The following SIAH1 variants were observed in gnomAD, a reference collection of about 807,000 sequenced individuals.
SIAH1 encodes E3 ubiquitin-protein ligase SIAH1.
In SIAH1, 2 loss-of-function variants were observed where a neutral mutation model predicts 20.0. The ratio of observed to expected loss-of-function variants is 0.10; its 90% CI spans 0.04 to 0.31. SIAH1 has a LOEUF of 0.31. Ranked by LOEUF, SIAH1 falls within the 10% of genes least tolerant of loss-of-function variation. The probability of loss-of-function intolerance (pLI) is 1.00; values close to 1 mark genes in which losing one functional copy is unlikely to be tolerated. For synonymous variants in SIAH1, 118 were observed against 125.3 expected (o/e 0.94, Z 0.39); for missense variants, 119 against 355.3 (o/e 0.33, Z 5.35).
rs1169041546 is a variant in SIAH1 at position 48,361,203 on chromosome 16, A to G, written c.*377T>C. On this transcript the variant is annotated 3_prime_UTR_variant, in exon 2 of 2. Coordinates refer to ENST00000394725, the MANE Select transcript of SIAH1 (RefSeq NM_003031.4). ...CTCAAGATGGCTTGTCAGTTAAAGG[A>G]AAAAAACCCAAACACGCACACACCC... 2 of 204,560 alleles carry G rather than the reference A, an allele frequency of 9.8e-6. No homozygotes were observed. The highest frequency in any genetic ancestry group is 5.3e-5 in the Admixed American group (1 of 18,780). 12.7% of individuals were successfully genotyped at this position (204,560 alleles called of 1,614,324 possible). A position where few individuals can be genotyped will look rare whatever the true frequency, so the allele number is the denominator to read the frequency against.
intron 1 of SIAH1, among the ~76,000 whole-genome samples, chr16:48,370,456 G>A (rs1960954524): frequency 6.6e-6 from 1 of 152,002 alleles, no homozygotes; most frequent in South Asian, 2.1e-4. Flanking sequence ...TAGACTCAAT[G>A]GTTTACATAT....
rs1960805829 is a variant in SIAH1, at chr16:48,365,605, T to G, written c.-2-3175A>C. The G allele has an allele frequency of 2.7e-6, 4 of 1,458,338 alleles. No individual in the cohort carries two copies. The Admixed American group carries it at 1.0e-4, about 37-fold the overall frequency. The allele number at this position is 1,458,338 out of a possible 1,614,324, so 90.3% of individuals were successfully genotyped here. ...AGGTCAGGATCCAAATACCATTTAC[T>G]TCTCAGAAGCACCAGTTACAGAGGT... On this transcript the variant is annotated intron_variant, in intron 1 of 1. Transcript: ENST00000394725.
At chr16:48,370,275 C>A (rs919134304) in intron 1 of SIAH1, among the ~76,000 whole-genome samples, 9 of 152,070 alleles carry the variant, frequency 5.9e-5, no homozygotes, top group Non-Finnish European at 1.3e-4. Flanking sequence ...AACTCCTTAA[C>A]CCCTCTATAT....
chr16:48,365,947 G>A lies in SIAH1; in HGVS notation c.-2-3517C>T, dbSNP rs1209390886. The A allele has an allele frequency of 5.9e-6, 7 of 1,190,978 alleles. No homozygotes were observed. In the East Asian group the frequency reaches 1.7e-4, roughly 29 times the overall value. 73.8% of individuals were successfully genotyped at this position (1,190,978 alleles called of 1,614,324 possible). A position where few individuals can be genotyped will look rare whatever the true frequency, so the allele number is the denominator to read the frequency against. The stretch of plus-strand genomic sequence containing the variant: ...TCGGCCGGGGCTGGGCCTGCGTTGG[G>A]AACGCCTACTCCAACCCGGGGCGCC... On this transcript the variant is annotated intron_variant, in intron 1 of 1. Transcript: ENST00000394725.
intron 1 of SIAH1, among the ~76,000 whole-genome samples, chr16:48,374,643 C>G (rs1426301697): frequency 1.3e-5 from 2 of 152,088 alleles, no homozygotes; most frequent in Non-Finnish European, 2.9e-5. Flanking sequence ...TGAAGGCATC[C>G]AAACAACCTG....
At position 48,362,671 on chromosome 16, in the gene SIAH1, C is replaced by A. The variant is rs1960641846; in HGVS notation, c.-2-241G>T. 6.3e-6 allele frequency: 3 copies of A among 474,890 alleles called. No homozygotes were observed. Among genetic ancestry groups the A allele is most frequent in the African/African-American group, 5.9e-5 (3 of 50,692 alleles). The allele number at this position is 474,890 out of a possible 1,614,324, so 29.4% of individuals were successfully genotyped here. A position where few individuals can be genotyped will look rare whatever the true frequency, so the allele number is the denominator to read the frequency against. ...AAAATGTTCCGGAAAACATGTGGAA[C>A]TCCCTTAATCGTCTTTGGATAGACT... is the stretch of plus-strand genomic sequence containing the variant. On this transcript the variant is annotated intron_variant, in intron 1 of 1. Coordinates refer to ENST00000394725, the MANE Select transcript of SIAH1 (RefSeq NM_003031.4). The surrounding 1 kb of genome is among the most constrained non-coding windows in gnomAD (Gnocchi z 4.2).
chr16:48,368,330 T>C (rs78837466), intron 1 of SIAH1, among the ~76,000 whole-genome samples: 202 of 152,306 alleles, frequency 1.3e-3, no homozygotes, highest in Non-Finnish European at 2.4e-3. Flanking sequence ...TTAGTCTGAT[T>C]AACAACTGTG....
In SIAH1 at chr16:48,362,275, T is replaced by C; in HGVS notation, c.154A>G (p.Ile52Val). The C allele has an allele frequency of 1.2e-6, 2 of 1,614,190 alleles. No individual in the cohort carries two copies. The highest frequency in any genetic ancestry group is 1.7e-6 in the Non-Finnish European group (2 of 1,180,032). The change falls in exon 2 of 2, where the codon ATT becomes GTT. Residue 52 changes from isoleucine (I) to valine (V), a missense_variant. This residue lies in a region of SIAH1 where 84 missense variants were observed against 307.8 expected (regional missense o/e 0.27). Coordinates refer to ENST00000394725, the MANE Select transcript of SIAH1 (RefSeq NM_003031.4). The surrounding 1 kb of genome is among the most constrained non-coding windows in gnomAD (Gnocchi z 4.2). ...AGATGGCCACTCTGACATTGAAGAA[T>C]GGGCGGTAACACATAGTCAAAGCAG... The part of the protein sequence containing the change: ...PVCFDYVLPP[I>V]LQCQSGHLVC...
At chr16:48,374,948 CAAAG>C (rs1441287254) in intron 1 of SIAH1, among the ~76,000 whole-genome samples, 5 of 152,188 alleles carry the variant, frequency 3.3e-5, no homozygotes, top group African/African-American at 1.2e-4. Flanking sequence ...CGGAAATCAA[CAAAG>C]AAAGCCAAAA....
chr16:48,378,205 T>C (rs1339653887), intron 1 of SIAH1, among the ~76,000 whole-genome samples: 1 of 152,052 alleles, frequency 6.6e-6, no homozygotes, highest in African/African-American at 2.4e-5. Flanking sequence ...CACAAAAAAT[T>C]AGCCAAGTGT....
chr16:48,379,393 T>C (rs1961200252), intron 1 of SIAH1, among the ~76,000 whole-genome samples: 1 of 152,142 alleles, frequency 6.6e-6, no homozygotes. Context: ...GGCACAGAGA[T>C]GCTAAAGCAG....
At chr16:48,367,035 T>G (rs891474319) in intron 1 of SIAH1, among the ~76,000 whole-genome samples, 1 of 152,054 alleles carries the variant, frequency 6.6e-6, no homozygotes, top group East Asian at 1.9e-4. Flanking sequence ...ATCTCCCCAG[T>G]AGCTAAGACC....
intron 1 of SIAH1, among the ~76,000 whole-genome samples, chr16:48,369,759 A>G (rs2151049528): frequency 6.6e-6 from 1 of 152,302 alleles, no homozygotes; most frequent in South Asian, 2.1e-4. Flanking sequence ...CCCTAAAACA[A>G]TGCAAGCCCT....
chr16:48,385,953 C>T (rs1162298109), upstream of SIAH1, among the ~76,000 whole-genome samples: 1 of 152,242 alleles, frequency 6.6e-6, no homozygotes, highest in Non-Finnish European at 1.5e-5. Flanking sequence ...GTCCCAGCCT[C>T]TCCCGAGGTT....
intron 1 of SIAH1, among the ~76,000 whole-genome samples, chr16:48,381,334 G>C (rs572741525): frequency 6.6e-6 from 1 of 152,268 alleles, no homozygotes; most frequent in Admixed American, 6.5e-5. Context: ...CACAGAGTGA[G>C]ACTGTCTCAA....
chr16:48,383,004 A>G (rs919461702), intron 1 of SIAH1, among the ~76,000 whole-genome samples: 3 of 152,218 alleles, frequency 2.0e-5, no homozygotes, highest in Non-Finnish European at 4.4e-5. Context: ...TTAATTACAG[A>G]TATTAAGAAA....
chr16:48,373,769 G>A (rs925760671), intron 1 of SIAH1, among the ~76,000 whole-genome samples: 30 of 152,304 alleles, frequency 2.0e-4, no homozygotes, highest in African/African-American at 7.2e-4. Flanking sequence ...AGTAAAAGCT[G>A]AAATCCTAAA....
intron 1 of SIAH1, among the ~76,000 whole-genome samples, chr16:48,381,530 T>C (rs1197423349): frequency 3.9e-5 from 6 of 152,170 alleles, no homozygotes; most frequent in Non-Finnish European, 7.4e-5. Flanking sequence ...GGTGAATGGA[T>C]AAACCAACTG....
chr16:48,386,931 C>A (rs560585865), upstream of SIAH1: 1 of 152,378 alleles, frequency 6.6e-6, no homozygotes, highest in African/African-American at 2.4e-5. Flanking sequence ...GTTCTAAACA[C>A]CCGGCTTTGC....
Sources: allele counts gnomAD v4.1 joint callset (sites outside exome capture counted in the v4.1 genomes callset), GRCh38; gene constraint gnomAD v4.1.1; regional missense constraint gnomAD v4.1.1; non-coding constraint Gnocchi (gnomAD v3.1); transcripts MANE v1.5; gene names NCBI Gene and HGNC (gene_info 2026-07-23, HGNC 2026-07-21).